Variants in BTRC observed in about 807,000 individuals in gnomAD.
BTRC encodes beta-transducin repeat containing E3 ubiquitin protein ligase.
In BTRC, 42 loss-of-function variants were observed where a neutral mutation model predicts 85.5. The observed-to-expected ratio is 0.49, with a 90% CI of 0.38 to 0.64. BTRC has a LOEUF of 0.64. BTRC is among the 30% of genes least tolerant of loss of function. The probability of loss-of-function intolerance (pLI) is 0.00; values close to 1 mark genes in which losing one functional copy is unlikely to be tolerated. For synonymous variants in BTRC, 255 were observed against 263.3 expected (o/e 0.97, Z 0.30); for missense variants, 594 against 743.5 (o/e 0.80, Z 2.34).
chr10:101,413,964 T>C (rs1943853573), intron 1 of BTRC, among the ~76,000 whole-genome samples: 1 of 152,234 alleles, frequency 6.6e-6, no homozygotes, highest in Non-Finnish European at 1.5e-5. Context: ...GCTGTTGTTT[T>C]TAACTGTGTT....
chr10:101,407,633 C>A, intron 1 of BTRC, among the ~76,000 whole-genome samples: 1 of 152,122 alleles, frequency 6.6e-6, no homozygotes, highest in Non-Finnish European at 1.5e-5. Context: ...TCAGGCAATC[C>A]GCCCACCTTG....
At chr10:101,448,389 T>G (rs1944879940) in intron 2 of BTRC, among the ~76,000 whole-genome samples, 1 of 152,070 alleles carries the variant, frequency 6.6e-6, no homozygotes, top group African/African-American at 2.4e-5. Context: ...CCCAATAAAT[T>G]TATTAAATTA....
At chr10:101,521,958 T>C in intron 5 of BTRC, 88 bp downstream of exon 5, 1 of 992,374 alleles carries the variant, frequency 1.0e-6, no homozygotes, top group Non-Finnish European at 1.5e-6. Flanking sequence ...TTAAAAGTCT[T>C]TATTGGCTTG....
At chr10:101,519,521 T>A (rs2062071758) in intron 4 of BTRC, among the ~76,000 whole-genome samples, 1 of 152,180 alleles carries the variant, frequency 6.6e-6, no homozygotes, top group Non-Finnish European at 1.5e-5. Context: ...TCCCCCTTCC[T>A]CTTCTGTAAC....
chr10:101,476,877 G>A (rs1449636444), intron 3 of BTRC, among the ~76,000 whole-genome samples: 1 of 152,170 alleles, frequency 6.6e-6, no homozygotes, highest in African/African-American at 2.4e-5. Context: ...TTATAGCAAT[G>A]GTTCTCGAAG....
chr10:101,457,820 TAATTA>T (rs1186740980), intron 2 of BTRC, among the ~76,000 whole-genome samples: 4 of 152,188 alleles, frequency 2.6e-5, no homozygotes, highest in African/African-American at 7.2e-5. Flanking sequence ...TGGATTTAAT[TAATTA>T]ATTTTTTATT....
chr10:101,384,559 G>A (rs964099036), intron 1 of BTRC, among the ~76,000 whole-genome samples: 2 of 152,158 alleles, frequency 1.3e-5, no homozygotes, highest in African/African-American at 4.8e-5. Context: ...GTATTTATTA[G>A]ATACGAGTAG....
intron 2 of BTRC, among the ~76,000 whole-genome samples, chr10:101,460,164 C>G (rs1945186795): frequency 6.6e-6 from 1 of 151,884 alleles, no homozygotes; most frequent in Non-Finnish European, 1.5e-5. Context: ...TAATTGGATA[C>G]TGGCTTAAGC....
intron 2 of BTRC, among the ~76,000 whole-genome samples, chr10:101,459,115 GCACC>G (rs1945155050): frequency 6.6e-6 from 1 of 152,084 alleles, no homozygotes; most frequent in South Asian, 2.1e-4. Flanking sequence ...GCTAATTTTA[GCACC>G]CAATGATGAT....
chr10:101,410,896 T>C (rs1943758335), intron 1 of BTRC, among the ~76,000 whole-genome samples: 1 of 152,172 alleles, frequency 6.6e-6, no homozygotes. Flanking sequence ...TCATGTATAT[T>C]ATGAACACTG....
At chr10:101,393,995 T>G (rs1022097703) in intron 1 of BTRC, among the ~76,000 whole-genome samples, 2 of 152,202 alleles carry the variant, frequency 1.3e-5, no homozygotes, top group African/African-American at 4.8e-5. Flanking sequence ...TAAAACTGAG[T>G]GTATAATTGA....
chr10:101,519,794 G>A (rs1478354678), intron 4 of BTRC, among the ~76,000 whole-genome samples: 1 of 152,112 alleles, frequency 6.6e-6, no homozygotes, highest in Non-Finnish European at 1.5e-5. Context: ...TTGGGAGTTC[G>A]AGAACAGCCT....
At chr10:101,480,427 T>C (rs1346492674) in intron 4 of BTRC, among the ~76,000 whole-genome samples, 1 of 152,218 alleles carries the variant, frequency 6.6e-6, no homozygotes, top group African/African-American at 2.4e-5. Flanking sequence ...TTATAGGGGC[T>C]GAGAAGTCCA....
chr10:101,456,657 G>A (rs1945091606), intron 2 of BTRC, among the ~76,000 whole-genome samples: 1 of 152,136 alleles, frequency 6.6e-6, no homozygotes, highest in Non-Finnish European at 1.5e-5. Context: ...TAATGCAGGA[G>A]CTTTAGCAGT....
intron 3 of BTRC, among the ~76,000 whole-genome samples, chr10:101,466,906 C>T (rs1232753715): frequency 1.3e-5 from 2 of 152,170 alleles, no homozygotes; most frequent in Non-Finnish European, 2.9e-5. Context: ...CCACAAAAAA[C>T]AGCAGTGAAG....
Position 101,529,849 on chromosome 10 carries a change from A to T in BTRC, c.744-1388A>T, listed in dbSNP as rs185497240. Among the ~76,000 whole-genome samples the T allele has an allele frequency of 7.6e-4, 115 of 152,284 alleles. 1 individual carries two copies. Among genetic ancestry groups the T allele is most frequent in the African/African-American group, 2.7e-3 (112 of 41,562 alleles). ...GGAGCTATAGAGGGAGGAGTGGATG[A>T]CTGGCCCAGAGAAAACATGATTTCT... On this transcript the variant is annotated intron_variant, in intron 6 of 14. Coordinates refer to ENST00000370187, the MANE Select transcript of BTRC (RefSeq NM_033637.4).
chr10:101,355,594 G>T (rs1056734591), intron 1 of BTRC, among the ~76,000 whole-genome samples: 12 of 152,082 alleles, frequency 7.9e-5, no homozygotes, highest in African/African-American at 2.7e-4. Context: ...GTCCAGTCTT[G>T]CTTTTTCAGA....
Position 101,551,762 on chromosome 10 carries a change from T to C in BTRC, c.*31+871T>C, listed in dbSNP as rs371762627. Among the ~76,000 whole-genome samples the C allele has an allele frequency of 4.1e-4, 62 of 152,278 alleles. No individual in the cohort carries two copies. The East Asian group carries it at 0.011, about 28-fold the overall frequency. On this transcript the variant is annotated intron_variant, in intron 14 of 14. Coordinates refer to ENST00000370187, the MANE Select transcript of BTRC (RefSeq NM_033637.4). ...AGCTGGGCTGTCCTCAGCTTCTCTTTCTCTCACAGAGGACACGGTTCGTCG... is the reference window on the plus strand; with the variant it reads ...AGCTGGGCTGTCCTCAGCTTCTCTTCCTCTCACAGAGGACACGGTTCGTCG...
At chr10:101,448,036 A>T (rs1944871052) in intron 2 of BTRC, among the ~76,000 whole-genome samples, 1 of 152,190 alleles carries the variant, frequency 6.6e-6, no homozygotes, top group Non-Finnish European at 1.5e-5. Context: ...AATCGAAGAT[A>T]GTTACGGTGT....
Sources: gnomAD v4.1 joint callset for allele counts (sites outside exome capture counted in the v4.1 genomes callset) on GRCh38, gnomAD v4.1.1 for gene constraint, MANE v1.5 for transcripts, NCBI Gene and HGNC (gene_info 2026-07-23, HGNC 2026-07-21) for gene names.